RASGRP1: variants seen among roughly 807,000 people sequenced by gnomAD.
RASGRP1 encodes the protein RAS guanyl releasing protein 1.
Under a neutral mutation model 95.1 loss-of-function variants are expected in RASGRP1, and 37 were observed. The ratio of observed to expected loss-of-function variants is 0.39; its 90% CI spans 0.30 to 0.51. RASGRP1 has a LOEUF of 0.51. Among genes scored for constraint, RASGRP1 ranks in the 20% least tolerant of loss-of-function variants. The probability of loss-of-function intolerance (pLI) is 0.80; values close to 1 mark genes in which losing one functional copy is unlikely to be tolerated. For missense variants in RASGRP1, 711 were observed against 965.4 expected (o/e 0.74, Z 3.49); for synonymous variants, 325 against 353.4 (o/e 0.92, Z 0.90).
intron 10 of RASGRP1, among the ~76,000 whole-genome samples, chr15:38,505,513 T>C (rs1891217421): frequency 6.6e-6 from 1 of 152,166 alleles, no homozygotes; most frequent in African/African-American, 2.4e-5. Flanking sequence ...TGGTGCACAA[T>C]AGTATCTTCC....
intron 9 of RASGRP1, among the ~76,000 whole-genome samples, chr15:38,506,588 T>C (rs1302624820): frequency 1.3e-5 from 2 of 148,240 alleles, no homozygotes; most frequent in African/African-American, 2.5e-5. Context: ...TGAGCTGAGA[T>C]TGCACTACTG....
intron 7 of RASGRP1, 87 bp downstream of exon 7, chr15:38,512,696 G>A (rs1344311679): frequency 6.6e-7 from 1 of 1,518,214 alleles, no homozygotes; most frequent in African/African-American, 1.4e-5. Flanking sequence ...GGAAAAAACA[G>A]CTCTAATTAA....
chr15:38,508,886 A>G lies in RASGRP1; in HGVS notation c.967-885T>C, dbSNP rs556538318. On this transcript the variant is annotated intron_variant, in intron 8 of 16. Coordinates refer to ENST00000310803, the MANE Select transcript of RASGRP1 (RefSeq NM_005739.4). ...TCTGCCAATCATGTTATCATACAAC[A>G]TAAGGAGTCCTCTCTTATCCTTAGG... Among the ~76,000 whole-genome samples the G allele has an allele frequency of 9.8e-4, 149 of 152,360 alleles. No individual in the cohort carries two copies. In the Middle Eastern group the frequency reaches 0.034, roughly 35 times the overall value.
At chr15:38,541,513 G>T (rs1892858546) in intron 2 of RASGRP1, among the ~76,000 whole-genome samples, 1 of 152,174 alleles carries the variant, frequency 6.6e-6, no homozygotes, top group Non-Finnish European at 1.5e-5. Flanking sequence ...GATCATTTGA[G>T]CCAGGGAAGT....
chr15:38,550,242 C>CAAA (rs56383365), intron 2 of RASGRP1, among the ~76,000 whole-genome samples: 13 of 89,006 alleles, frequency 1.5e-4, no homozygotes, highest in African/African-American at 4.5e-4. Flanking sequence ...ACTCTGTCGC[C>CAAA]AAAAAAAAAA....
At chr15:38,553,541 G>C (rs900764565) in intron 2 of RASGRP1, among the ~76,000 whole-genome samples, 1 of 152,132 alleles carries the variant, frequency 6.6e-6, no homozygotes, top group African/African-American at 2.4e-5. Flanking sequence ...TGACCCATGG[G>C]GACGGGCATA....
intron 2 of RASGRP1, among the ~76,000 whole-genome samples, chr15:38,558,481 C>G (rs973718795): frequency 6.6e-6 from 1 of 152,148 alleles, no homozygotes; most frequent in Non-Finnish European, 1.5e-5. Context: ...AAGTCTACAA[C>G]AAACAGCACT....
intron 8 of RASGRP1, among the ~76,000 whole-genome samples, chr15:38,509,246 TACTCTTGC>T (rs1955070245): frequency 1.3e-5 from 2 of 152,178 alleles, no homozygotes; most frequent in African/African-American, 2.4e-5. Flanking sequence ...CCAACATCAT[TACTCTTGC>T]ACTGTGAGGC....
rs1310249723 is a variant in RASGRP1 at position 38,490,602 on chromosome 15, T to G, written c.2346A>C (p.Glu782Asp). 6.2e-7 allele frequency: 1 copy of G among 1,613,560 alleles called. No individual in the cohort carries two copies. The highest frequency in any genetic ancestry group is 1.7e-5 in the Admixed American group (1 of 60,020). The change falls in exon 17 of 17, where the codon GAA becomes GAC. Residue 782 changes from glutamate (E) to aspartate (D), a missense_variant. Transcript: ENST00000310803. ...AQKKIESLQLEKSNHVLAQME... is the reference protein window; with the variant it reads ...AQKKIESLQLDKSNHVLAQME... The stretch of plus-strand genomic sequence containing the variant: ...TTTGAGCTAAGACATGATTGCTTTT[T>G]TCAAGCTGGAGGGATTCTATTTTCT...
At chr15:38,501,417 A>G in intron 12 of RASGRP1, 130 bp from the exon 13 acceptor site, 1 of 1,069,630 alleles carries the variant, frequency 9.3e-7, no homozygotes, top group Non-Finnish European at 1.4e-6. Context: ...GTGCTACCTC[A>G]TGATTACTTC....
At chr15:38,531,539 G>A (rs1322463437) in intron 2 of RASGRP1, among the ~76,000 whole-genome samples, 3 of 152,122 alleles carry the variant, frequency 2.0e-5, no homozygotes, top group Non-Finnish European at 4.4e-5. Context: ...AGAACTCAGG[G>A]TTCTGTGCTT....
At chr15:38,539,062 T>C (rs1268935032) in intron 2 of RASGRP1, among the ~76,000 whole-genome samples, 1 of 152,158 alleles carries the variant, frequency 6.6e-6, no homozygotes, top group African/African-American at 2.4e-5. Context: ...CATTATTTTA[T>C]AGGTGAGGAA....
chr15:38,519,276 C>T, intron 4 of RASGRP1, 33 bp downstream of exon 4: 1 of 1,504,866 alleles, frequency 6.6e-7, no homozygotes, highest in Non-Finnish European at 9.2e-7. Flanking sequence ...CACCTTGCTC[C>T]ACAAAGTCTT....
At chr15:38,551,455 GCTT>G (rs1893334263) in intron 2 of RASGRP1, among the ~76,000 whole-genome samples, 3 of 152,128 alleles carry the variant, frequency 2.0e-5, no homozygotes, top group African/African-American at 7.2e-5. Flanking sequence ...AAAACTGAAG[GCTT>G]CTTTTTTGCC....
intron 13 of RASGRP1, 38 bp from the exon 14 acceptor site, chr15:38,500,177 A>T (rs1890956873): frequency 3.7e-6 from 6 of 1,606,684 alleles, no homozygotes; most frequent in Non-Finnish European, 5.1e-6. Flanking sequence ...CATGTCATTC[A>T]TCCATCTGGT....
At chr15:38,498,988 C>T (rs1452893178) in intron 14 of RASGRP1, 42 bp from the exon 15 acceptor site, 2 of 1,613,458 alleles carry the variant, frequency 1.2e-6, no homozygotes, top group Non-Finnish European at 1.7e-6. Flanking sequence ...TTTCACTTTT[C>T]TCTCTTCCCC....
chr15:38,526,623 C>T (rs185397278), intron 2 of RASGRP1, among the ~76,000 whole-genome samples: 1 of 152,240 alleles, frequency 6.6e-6, no homozygotes, highest in Non-Finnish European at 1.5e-5. Context: ...CCCTTTTCCT[C>T]TCCACAGTGG....
chr15:38,502,494 G>T, intron 11 of RASGRP1, 73 bp from the exon 12 acceptor site: 1 of 925,890 alleles, frequency 1.1e-6, no homozygotes, highest in Non-Finnish European at 1.7e-6. Flanking sequence ...AAATGACAAA[G>T]AGCTGGGGCA....
At chr15:38,543,062 T>A (rs1256291561) in intron 2 of RASGRP1, among the ~76,000 whole-genome samples, 1 of 151,694 alleles carries the variant, frequency 6.6e-6, no homozygotes, top group Non-Finnish European at 1.5e-5. Flanking sequence ...CTAAATATAT[T>A]ATTTATGGTT....
Sources: gnomAD v4.1 joint callset for allele counts (sites outside exome capture counted in the v4.1 genomes callset) on GRCh38, gnomAD v4.1.1 for gene constraint, MANE v1.5 for transcripts, NCBI Gene and HGNC (gene_info 2026-07-23, HGNC 2026-07-21) for gene names.